The following CDH23 variants were observed in gnomAD, a reference collection of about 807,000 sequenced individuals.
CDH23 encodes cadherin-23.
A neutral mutation model predicts 317.1 loss-of-function variants in CDH23; 189 were observed. The observed-to-expected ratio is 0.60, with a 90% CI of 0.53 to 0.67. The LOEUF is 0.67. Among genes scored for constraint, CDH23 ranks in the 30% least tolerant of loss-of-function variants. The probability of loss-of-function intolerance (pLI) is 0.00; values close to 1 mark genes in which losing one functional copy is unlikely to be tolerated. For synonymous variants in CDH23, 1,839 were observed against 1,876.8 expected, an observed-to-expected ratio of 0.98 and a Z score of 0.52; for missense variants, 4,401 against 4,592.4, an observed-to-expected ratio of 0.96 and a Z score of 1.20.
At chr10:71,631,005 A>G (rs1861988396) in intron 11 of CDH23, among the ~76,000 whole-genome samples, 1 of 152,204 alleles carries the variant, frequency 6.6e-6, no homozygotes, top group Admixed American at 6.5e-5. Flanking sequence ...GCACTTTGGG[A>G]GGCCAAGGCA....
intron 56 of CDH23, 42 bp from the exon 57 acceptor site, chr10:71,806,126 C>T (rs1475494893): frequency 1.9e-6 from 3 of 1,539,130 alleles, no homozygotes; most frequent in Non-Finnish European, 1.8e-6. Flanking sequence ...AGCCAATCCC[C>T]TCTCCCAGTC....
In CDH23 at chr10:71,475,984, C is replaced by A. The variant is rs185981207; in HGVS notation, c.145+29589C>A. On this transcript the variant is annotated intron_variant, in intron 3 of 69. Transcript: ENST00000224721. ...TCCACTCTTCAAAGCAAGGGGGTGG[C>A]TGAGATGGTTTCTGAGGTCCTTTGT... is the stretch of plus-strand genomic sequence containing the variant. 5.4e-3 allele frequency among the ~76,000 whole-genome samples: 824 copies of A among 152,338 alleles called. 23 individuals carry two copies. Among genetic ancestry groups the A allele is most frequent in the Admixed American group, 0.039 (599 of 15,294 alleles).
Position 71,706,906 on chromosome 10 carries a change from T to A in CDH23, c.2963T>A (p.Val988Glu). 1 of 1,600,894 alleles carries A rather than the reference T, an allele frequency of 6.2e-7. No individual in the cohort carries two copies. Among genetic ancestry groups the A allele is most frequent in the Non-Finnish European group, 8.5e-7 (1 of 1,174,274 alleles). Residue 988 changes from valine to glutamate, a missense_variant, in exon 26 of 70, where the codon GTG becomes GAG. Transcript: ENST00000224721. ...TSTLTIHVLD[V>E]NDETPTFFPA... ...CCGTTCTGCCCCGCAGTGCTGGATG[T>A]GAACGACGAGACGCCCACCTTCTTC...
intron 41 of CDH23, among the ~76,000 whole-genome samples, chr10:71,781,487 T>C (rs867885705): frequency 1.7e-3 from 258 of 152,306 alleles, no homozygotes; most frequent in African/African-American, 5.6e-3. Context: ...AGGCAGGTGC[T>C]GGGTGAGCAG....
chr10:71,438,347 C>CAAAAAAAAAAAAAAAAAACAAAAAAAAA (rs10596696), intron 1 of CDH23, among the ~76,000 whole-genome samples: 1 of 98,360 alleles, frequency 1.0e-5, no homozygotes, highest in African/African-American at 3.4e-5. Context: ...CTGTCTCAAA[C>CAAAAAAAAAAAAAAAAAACAAAAAAAAA]AAAAAAAAAA....
chr10:71,759,846 C>T (rs112149597), intron 38 of CDH23, among the ~76,000 whole-genome samples: 10 of 59,960 alleles, frequency 1.7e-4, no homozygotes, highest in South Asian at 1.1e-3. Context: ...CACACACACA[C>T]ATATACACAC....
chr10:71,716,432 G>T, intron 28 of CDH23: 1 of 1,055,202 alleles, frequency 9.5e-7, no homozygotes, highest in Non-Finnish European at 1.3e-6. Flanking sequence ...GAATGTGGAT[G>T]GGGGCAAGGC....
intron 11 of CDH23, among the ~76,000 whole-genome samples, chr10:71,619,097 G>A (rs1861338517): frequency 6.6e-6 from 1 of 152,166 alleles, no homozygotes; most frequent in African/African-American, 2.4e-5. Context: ...CACTTTGGGA[G>A]GCCGAGGCAG....
Position 71,815,195 on chromosome 10 carries a change from C to T in CDH23, c.9982C>T (p.Arg3328Cys), listed in dbSNP as rs977390515. The change falls in exon 70 of 70, where the codon CGC becomes TGC. Residue 3328 changes from arginine (R) to cysteine (C), a missense_variant. Around this residue, in one of 3 missense-constraint regions of CDH23, gnomAD observed 1,144 missense variants for 1,138.2 expected, o/e 1.01. Transcript: ENST00000224721. ...GGCCACTGCCTTCGAGCGCAACGCC[C>T]GCACAGAATCCGCCAAATCCACACC... is the stretch of plus-strand genomic sequence containing the variant. ...AEATAFERNA[R>C]TESAKSTPLH... is the part of the protein sequence containing the mutation. The T allele has an allele frequency of 6.2e-6, 10 of 1,608,168 alleles. No homozygotes were observed. Among genetic ancestry groups the T allele is most frequent in the South Asian group, 3.3e-5 (3 of 90,870 alleles).
At chr10:71,423,695 G>A (rs1217888695) in intron 1 of CDH23, among the ~76,000 whole-genome samples, 1 of 152,194 alleles carries the variant, frequency 6.6e-6, no homozygotes, top group African/African-American at 2.4e-5. Flanking sequence ...TGGGGCCTCA[G>A]CACTGCAGGG....
chr10:71,479,772 G>A (rs1206535561), intron 3 of CDH23, among the ~76,000 whole-genome samples: 2 of 152,110 alleles, frequency 1.3e-5, no homozygotes, highest in Non-Finnish European at 2.9e-5. Context: ...GAAGGGAAGG[G>A]GAGGATGCCA....
chr10:71,751,419 C>A lies in CDH23; in HGVS notation c.4845+9498C>A. ...CTCTGTCCCTCACCCTCAACCCCAC[C>A]CCGTGAGGCCGTGGAACTCTTCAGG... On this transcript the variant is annotated intron_variant, in intron 38 of 69. Transcript: ENST00000224721. This position sits in a 1 kb window ranked among gnomAD's most constrained non-coding sequence, Gnocchi z 4.9. 1 of 442,100 alleles carries A rather than the reference C, an allele frequency of 2.3e-6. No homozygotes were observed. 27.4% of individuals were successfully genotyped at this position (442,100 alleles called of 1,614,324 possible).
Position 71,645,080 on chromosome 10 carries a change from G to C in CDH23, c.1141-751G>C, listed in dbSNP as rs189631689. 4.6e-5 allele frequency among the ~76,000 whole-genome samples: 7 copies of C among 152,346 alleles called. No individual in the cohort carries two copies. The East Asian group carries it at 7.7e-4, about 17-fold the overall frequency. On this transcript the variant is annotated intron_variant, in intron 12 of 69. Coordinates refer to ENST00000224721, the MANE Select transcript of CDH23 (RefSeq NM_022124.6). ...CTGTGAGGAGAGTCAGGTAGCATCT[G>C]AGGGGCTCTGTGAGCCACAGCCCTG...
rs547719279 is a variant in CDH23, at chr10:71,506,633, G to T, written c.146-3449G>T. ...CCATAGGTTGCTGGAAACCTCCCCT[G>T]GTGGAGAAACAAGCCTTGCTTCCCG... On this transcript the variant is annotated intron_variant, in intron 3 of 69. Transcript: ENST00000224721. Among the ~76,000 whole-genome samples the T allele has an allele frequency of 2.6e-5, 4 of 152,154 alleles. No individual in the cohort carries two copies. The South Asian group carries it at 8.3e-4, about 32-fold the overall frequency.
intron 6 of CDH23, among the ~76,000 whole-genome samples, chr10:71,559,920 C>G (rs1455231948): frequency 6.6e-6 from 1 of 152,270 alleles, no homozygotes; most frequent in South Asian, 2.1e-4. Context: ...ATGTGCCCCT[C>G]CCTGACCAGA....
At chr10:71,812,195 G>C in intron 66 of CDH23, 180 bp downstream of exon 66, 1 of 1,583,772 alleles carries the variant, frequency 6.3e-7, no homozygotes, top group Non-Finnish European at 8.6e-7. Context: ...GGCTGACAGG[G>C]GCTCTCCACC....
intron 12 of CDH23, among the ~76,000 whole-genome samples, chr10:71,644,092 T>G (rs990160458): frequency 1.3e-5 from 2 of 152,262 alleles, no homozygotes; most frequent in Admixed American, 1.3e-4. Context: ...TTCGGGCATT[T>G]AATTGGTCCC....
chr10:71,813,521 T>G (rs1388598347), intron 69 of CDH23, among the ~76,000 whole-genome samples, 173 bp downstream of exon 69: 1 of 152,160 alleles, frequency 6.6e-6, no homozygotes, highest in African/African-American at 2.4e-5. Flanking sequence ...TCTGGGCTTT[T>G]GGGGGCTTTC....
rs34690494 is a variant in CDH23 at position 71,500,018 on chromosome 10, C to CAAAA, written c.146-10047_146-10044dup. Among the ~76,000 whole-genome samples, 26 of 94,816 alleles carry CAAAA rather than the reference C, an allele frequency of 2.7e-4. No individual in the cohort carries two copies. The East Asian group carries it at 3.6e-3, about 13-fold the overall frequency. The allele number at this position is 94,816 out of a possible 152,430, so 62.2% of individuals were successfully genotyped here. A position where few individuals can be genotyped will look rare whatever the true frequency, so the allele number is the denominator to read the frequency against. ...TGGGTGACAGAGCGAGACTCCATCT[C>CAAAA]AAAAAAAAAAAAAAAAAAAAGGATA... On this transcript the variant is annotated intron_variant, in intron 3 of 69. Transcript: ENST00000224721.
Sources: gnomAD v4.1 joint callset for allele counts (sites outside exome capture counted in the v4.1 genomes callset) on GRCh38, gnomAD v4.1.1 for gene constraint, gnomAD v4.1.1 regional missense constraint, Gnocchi (gnomAD v3.1) non-coding constraint, MANE v1.5 for transcripts, NCBI Gene and HGNC (gene_info 2026-07-23, HGNC 2026-07-21) for gene names.